SEMA3A: variants seen among roughly 807,000 people sequenced by gnomAD.
SEMA3A encodes the protein semaphorin 3A, also known as semaphorin-3A.
A neutral mutation model predicts 97.9 loss-of-function variants in SEMA3A; 29 were observed. The ratio of observed to expected loss-of-function variants is 0.30; its 90% CI spans 0.22 to 0.40. SEMA3A has a LOEUF of 0.40. SEMA3A is among the 10% of genes least tolerant of loss of function. SEMA3A has a pLI of 1.00. For missense variants in SEMA3A, 763 were observed against 951.3 expected, an observed-to-expected ratio of 0.80 and a Z score of 2.60; for synonymous variants, 321 against 323.7, an observed-to-expected ratio of 0.99 and a Z score of 0.09.
At chr7:84,245,012 C>T (rs1799447902) in intron 3 of SEMA3A, among the ~76,000 whole-genome samples, 1 of 152,070 alleles carries the variant, frequency 6.6e-6, no homozygotes, top group Admixed American at 6.6e-5. Context: ...CTCTGGCTTC[C>T]CTTACCATTT....
intron 1 of SEMA3A, among the ~76,000 whole-genome samples, chr7:84,421,163 CA>C (rs1026535373): frequency 5.3e-5 from 8 of 151,820 alleles, no homozygotes; most frequent in Non-Finnish European, 1.2e-4. Flanking sequence ...TCATCATTTA[CA>C]AAAAAATCAT....
chr7:84,209,561 A>G (rs41487549), intron 3 of SEMA3A, among the ~76,000 whole-genome samples: 8,086 of 152,214 alleles, frequency 0.053, 320 homozygotes, highest in South Asian at 0.19. Context: ...TCTTGTGCTG[A>G]AAATAGTATA....
intron 1 of SEMA3A, among the ~76,000 whole-genome samples, chr7:84,376,813 A>T (rs971775887): frequency 4.6e-5 from 7 of 152,056 alleles, no homozygotes; most frequent in African/African-American, 1.4e-4. Flanking sequence ...AGAAATGTCA[A>T]TTCAGATTAT....
At chr7:84,068,491 A>T (rs1020281269) in intron 4 of SEMA3A, among the ~76,000 whole-genome samples, 3 of 151,708 alleles carry the variant, frequency 2.0e-5, no homozygotes, top group Admixed American at 1.3e-4. Context: ...AACATAAAAG[A>T]CCTATACTCT....
In SEMA3A at chr7:84,072,054, G is replaced by C. The variant is rs562195300; in HGVS notation, c.454-11496C>G. On this transcript the variant is annotated intron_variant, in intron 4 of 16. Transcript: ENST00000265362. ...ATTACCAAGTTTTAAAGTGAGTTTTGGGAAACATGATACTCTTTAACGTCT... is the reference window on the plus strand; with the variant it reads ...ATTACCAAGTTTTAAAGTGAGTTTTCGGAAACATGATACTCTTTAACGTCT... 3.3e-5 allele frequency among the ~76,000 whole-genome samples: 5 copies of C among 151,478 alleles called. No homozygotes were observed. The South Asian group carries it at 1.0e-3, about 32-fold the overall frequency.
chr7:84,402,221 G>T (rs147219135), intron 1 of SEMA3A, among the ~76,000 whole-genome samples: 2 of 152,044 alleles, frequency 1.3e-5, no homozygotes. Context: ...TCTTAAAATC[G>T]ACACCACGGC....
intron 1 of SEMA3A, among the ~76,000 whole-genome samples, chr7:84,424,757 C>A (rs1455189054): frequency 2.1e-5 from 2 of 94,946 alleles, no homozygotes; most frequent in African/African-American, 4.3e-5. Flanking sequence ...CAATATATTA[C>A]ATATTTAGAT....
At chr7:84,115,989 A>C (rs183268935) in intron 3 of SEMA3A, among the ~76,000 whole-genome samples, 1 of 152,186 alleles carries the variant, frequency 6.6e-6, no homozygotes, top group Non-Finnish European at 1.5e-5. Context: ...CCATAACAGA[A>C]ATCATTACAC....
At chr7:84,335,982 A>G (rs1802029333) in intron 2 of SEMA3A, among the ~76,000 whole-genome samples, 1 of 152,094 alleles carries the variant, frequency 6.6e-6, no homozygotes, top group Non-Finnish European at 1.5e-5. Context: ...AGATTAGCCC[A>G]GTTTAAGAAT....
At chr7:84,376,905 G>A (rs1803119496) in intron 1 of SEMA3A, among the ~76,000 whole-genome samples, 1 of 151,932 alleles carries the variant, frequency 6.6e-6, no homozygotes, top group South Asian at 2.1e-4. Context: ...TGAGATTTTT[G>A]TATATTATGG....
intron 4 of SEMA3A, among the ~76,000 whole-genome samples, chr7:84,069,081 G>C (rs1199915290): frequency 6.6e-6 from 1 of 151,994 alleles, no homozygotes; most frequent in African/African-American, 2.4e-5. Context: ...TTCCAGTCTA[G>C]TGAGATGAGG....
At chr7:84,160,803 C>A (rs1346490467) in intron 1 of SEMA3A, among the ~76,000 whole-genome samples, 1 of 151,550 alleles carries the variant, frequency 6.6e-6, no homozygotes, top group Non-Finnish European at 1.5e-5. Context: ...TTGCTTGAAC[C>A]CGGGAGGAGG....
In SEMA3A at chr7:84,080,836, TGCTGGGA is replaced by T. The variant is rs1328421029; in HGVS notation, c.454-20285_454-20279del. 6.1e-3 allele frequency among the ~76,000 whole-genome samples: 8 copies of T among 1,310 alleles called. 3 individuals carry two copies. Among genetic ancestry groups the T allele is most frequent in the African/African-American group, 0.022 (4 of 182 alleles). 0.9% of individuals were successfully genotyped at this position (1,310 alleles called of 152,430 possible). On this transcript the variant is annotated intron_variant, in intron 4 of 16. Transcript: ENST00000265362. ...ATCCGCCCGCCTCGGCCTCCCAAAG[TGCTGGGA>T]TTACAGGCGTGAGCCACCGCGCCCG...
At chr7:84,218,718 A>G (rs1798807460) in intron 3 of SEMA3A, among the ~76,000 whole-genome samples, 1 of 152,108 alleles carries the variant, frequency 6.6e-6, no homozygotes, top group African/African-American at 2.4e-5. Context: ...GGTAATATAA[A>G]TGACACATTT....
Position 84,479,528 on chromosome 7 carries a change from C to T in SEMA3A, c.-246+12932G>A, listed in dbSNP as rs754028935. 1.7e-4 allele frequency among the ~76,000 whole-genome samples: 26 copies of T among 151,966 alleles called. 1 individual carries two copies. The highest frequency in any genetic ancestry group is 3.9e-4 in the Admixed American group (6 of 15,254). ...GCTTAGTATCTAGCAGAGAATAGAACTAGATATGGAAATACATCAGTATGG... is the reference window on the plus strand; with the variant it reads ...GCTTAGTATCTAGCAGAGAATAGAATTAGATATGGAAATACATCAGTATGG... On this transcript the variant is annotated intron_variant, in intron 1 of 3. Transcript: ENST00000424555.
At chr7:84,019,554 T>C (rs530062145) in intron 6 of SEMA3A, among the ~76,000 whole-genome samples, 1 of 152,278 alleles carries the variant, frequency 6.6e-6, no homozygotes, top group Admixed American at 6.5e-5. Flanking sequence ...AATATGTACT[T>C]TAAAATTTCT....
intron 6 of SEMA3A, among the ~76,000 whole-genome samples, chr7:84,023,855 CA>C (rs1485311301): frequency 6.6e-6 from 1 of 151,622 alleles, no homozygotes; most frequent in Non-Finnish European, 1.5e-5. Context: ...CTAAAAAATA[CA>C]AAAAAGTTAG....
At chr7:84,222,339 A>G (rs56178847) in intron 3 of SEMA3A, among the ~76,000 whole-genome samples, 10,842 of 151,954 alleles carry the variant, frequency 0.071, 543 homozygotes, top group Non-Finnish European at 0.084. Flanking sequence ...ATAGTCACCA[A>G]TGATAAATAC....
chr7:84,183,788 C>T (rs750023975), intron 1 of SEMA3A, among the ~76,000 whole-genome samples: 3 of 152,086 alleles, frequency 2.0e-5, no homozygotes. Context: ...CCATGATCTC[C>T]TTCTATAAAG....
Sources: gnomAD v4.1 joint callset for allele counts (sites outside exome capture counted in the v4.1 genomes callset) on GRCh38, gnomAD v4.1.1 for gene constraint, MANE v1.5 for transcripts, NCBI Gene and HGNC (gene_info 2026-07-23, HGNC 2026-07-21) for gene names.